Variants in RAD51B observed in about 807,000 individuals in gnomAD.
The protein encoded by RAD51B is DNA repair protein RAD51 homolog 2.
In RAD51B, 38 loss-of-function variants were observed where a neutral mutation model predicts 42.2. The observed-to-expected ratio is 0.90, with a 90% CI of 0.70 to 1.18. The LOEUF (loss-of-function observed/expected upper bound fraction) is 1.18. Among genes scored for constraint, RAD51B ranks in the 50% most tolerant of loss-of-function variants. The pLI, the probability that RAD51B is intolerant of heterozygous loss-of-function variation, is 0.00. For missense variants in RAD51B, 373 were observed against 400.7 expected (o/e 0.93, Z 0.59); for synonymous variants, 154 against 145.2 (o/e 1.06, Z -0.43).
downstream of RAD51B, among the ~76,000 whole-genome samples, chr14:68,482,539 T>C (rs1038716795): frequency 5.9e-5 from 9 of 152,156 alleles, no homozygotes; most frequent in African/African-American, 2.2e-4. Context: ...AAATATCTGA[T>C]TCTAGCCTAA....
intron 7 of RAD51B, among the ~76,000 whole-genome samples, chr14:67,949,754 C>A (rs1023775502): frequency 3.9e-5 from 6 of 152,108 alleles, no homozygotes; most frequent in African/African-American, 1.4e-4. Context: ...AATAGTGAAA[C>A]TTGAAAGTTG....
At chr14:68,587,560 A>G (rs984455488) in intron 10 of RAD51B, among the ~76,000 whole-genome samples, 3 of 152,040 alleles carry the variant, frequency 2.0e-5, no homozygotes, top group African/African-American at 7.2e-5. Flanking sequence ...TGGTCTGAGC[A>G]GGAAATTCCC....
At chr14:68,077,813 G>A (rs1177704935) in intron 7 of RAD51B, among the ~76,000 whole-genome samples, 5 of 152,170 alleles carry the variant, frequency 3.3e-5, no homozygotes, top group Admixed American at 2.0e-4. Context: ...AAAACTAGCC[G>A]GGTGTCGTGG....
chr14:68,335,825 C>T (rs554314244), intron 8 of RAD51B, among the ~76,000 whole-genome samples: 1 of 152,288 alleles, frequency 6.6e-6, no homozygotes, highest in Admixed American at 6.5e-5. Context: ...GACAATCAGG[C>T]ACCCACCATG....
At chr14:68,010,144 C>T (rs2075659190) in intron 7 of RAD51B, among the ~76,000 whole-genome samples, 1 of 151,826 alleles carries the variant, frequency 6.6e-6, no homozygotes, top group African/African-American at 2.4e-5. Context: ...AATGGCTTCC[C>T]ATAATCCATT....
At chr14:68,072,250 TTAA>T (rs1260802105) in intron 7 of RAD51B, among the ~76,000 whole-genome samples, 1 of 146,752 alleles carries the variant, frequency 6.8e-6, no homozygotes, top group Non-Finnish European at 1.5e-5. Context: ...TATATAATGC[TTAA>T]TAAACTGTAT....
intron 10 of RAD51B, among the ~76,000 whole-genome samples, chr14:68,486,463 C>G (rs1883631378): frequency 6.6e-6 from 1 of 152,196 alleles, no homozygotes; most frequent in African/African-American, 2.4e-5. Context: ...CATTACCAAT[C>G]TAACAGCTTG....
downstream of RAD51B, among the ~76,000 whole-genome samples, chr14:68,615,432 G>A (rs1353552262): frequency 6.6e-6 from 1 of 151,572 alleles, no homozygotes; most frequent in Admixed American, 6.6e-5. Flanking sequence ...TGCAAGCTCT[G>A]CCTCCCGGGT....
At chr14:68,206,101 T>A (rs1018761605) in intron 7 of RAD51B, among the ~76,000 whole-genome samples, 4 of 152,226 alleles carry the variant, frequency 2.6e-5, no homozygotes, top group Non-Finnish European at 5.9e-5. Flanking sequence ...CTTTTATGAC[T>A]TTGTCAGTTT....
intron 10 of RAD51B, among the ~76,000 whole-genome samples, chr14:68,630,838 C>T (rs1439757871): frequency 2.0e-5 from 3 of 152,200 alleles, no homozygotes; most frequent in Admixed American, 6.5e-5. Flanking sequence ...AAAGCCATCA[C>T]GTGGTAATAC....
chr14:68,170,649 A>T, intron 7 of RAD51B, among the ~76,000 whole-genome samples: 1 of 152,098 alleles, frequency 6.6e-6, no homozygotes, highest in East Asian at 1.9e-4. Context: ...TATGGTTTTT[A>T]TATAGTATTT....
At chr14:67,979,281 A>G (rs575209611) in intron 7 of RAD51B, among the ~76,000 whole-genome samples, 11 of 152,384 alleles carry the variant, frequency 7.2e-5, no homozygotes, top group African/African-American at 2.4e-4. Context: ...GTTAAAATAT[A>G]GTATTAAACT....
At chr14:68,649,138 A>G (rs902235383) in intron 10 of RAD51B, among the ~76,000 whole-genome samples, 31 of 152,348 alleles carry the variant, frequency 2.0e-4, no homozygotes, top group Admixed American at 1.4e-3. Context: ...TGGGCACATT[A>G]GGACACATTA....
chr14:68,174,921 T>C (rs1043373760), intron 7 of RAD51B, among the ~76,000 whole-genome samples: 3 of 152,216 alleles, frequency 2.0e-5, no homozygotes, highest in East Asian at 1.9e-4. Context: ...TCTAAGTTTT[T>C]AGCTTTATCC....
At chr14:68,236,733 C>T (rs1471625566) in intron 7 of RAD51B, among the ~76,000 whole-genome samples, 1 of 152,202 alleles carries the variant, frequency 6.6e-6, no homozygotes, top group Non-Finnish European at 1.5e-5. Flanking sequence ...CTGACCCCTT[C>T]TAGGCCATTA....
chr14:68,005,761 A>T (rs1482863604), intron 7 of RAD51B, among the ~76,000 whole-genome samples: 1 of 152,212 alleles, frequency 6.6e-6, no homozygotes, highest in Non-Finnish European at 1.5e-5. Flanking sequence ...TCGACATGCT[A>T]TAAAGAAATA....
In RAD51B at chr14:68,451,775, T is replaced by C. The variant is rs753275865; in HGVS notation, c.958-16397T>C. The stretch of plus-strand genomic sequence containing the variant: ...GAGCAGGGCCAGGGATGTGGTACAT[T>C]ACACAAACCAGTCCCATTTGACCAG... On this transcript the variant is annotated intron_variant, in intron 9 of 10. Transcript: ENST00000471583. 4.1e-4 allele frequency among the ~76,000 whole-genome samples: 62 copies of C among 152,192 alleles called. 1 individual carries two copies. The highest frequency in any genetic ancestry group is 2.0e-4 in the Admixed American group (3 of 15,282).
chr14:68,460,801 C>T (rs543957673), intron 9 of RAD51B, among the ~76,000 whole-genome samples: 13 of 152,206 alleles, frequency 8.5e-5, no homozygotes, highest in South Asian at 8.3e-4. Flanking sequence ...CTGGCCAAGC[C>T]AAGAATCTTG....
chr14:67,981,513 G>C (rs1210262970), intron 7 of RAD51B, among the ~76,000 whole-genome samples: 1 of 152,146 alleles, frequency 6.6e-6, no homozygotes, highest in African/African-American at 2.4e-5. Context: ...GTACATAAAT[G>C]TCATAGCAGC....
Sources: gnomAD v4.1 joint callset for allele counts (sites outside exome capture counted in the v4.1 genomes callset) on GRCh38, gnomAD v4.1.1 for gene constraint, MANE v1.5 for transcripts, NCBI Gene and HGNC (gene_info 2026-07-23, HGNC 2026-07-21) for gene names.